Variants in STOX2 observed in about 807,000 individuals in gnomAD.
STOX2 encodes the protein storkhead-box protein 2.
Under a neutral mutation model 60.9 loss-of-function variants are expected in STOX2, and 28 were observed. The ratio of observed to expected loss-of-function variants is 0.46; its 90% CI spans 0.34 to 0.63. STOX2 has a LOEUF of 0.63. Among genes scored for constraint, STOX2 ranks in the 30% least tolerant of loss-of-function variants. The probability of loss-of-function intolerance (pLI) is 0.01; values close to 1 mark genes in which losing one functional copy is unlikely to be tolerated. For synonymous variants in STOX2, 472 were observed against 463.9 expected (o/e 1.02, Z -0.22); for missense variants, 1,024 against 1,187.7 (o/e 0.86, Z 2.03).
chr4:183,852,700 CG>C (rs1319756417), intron 1 of STOX2, among the ~76,000 whole-genome samples: 1 of 152,090 alleles, frequency 6.6e-6, no homozygotes, highest in Non-Finnish European at 1.5e-5. Context: ...CTGCATTTAG[CG>C]GTGGAACTTT....
intron 1 of STOX2, among the ~76,000 whole-genome samples, chr4:183,824,866 C>T (rs1411994081): frequency 3.9e-5 from 6 of 152,160 alleles, no homozygotes; most frequent in African/African-American, 7.2e-5. Flanking sequence ...GTTAAGTGCC[C>T]AGATGGGGGC....
intron 1 of STOX2, among the ~76,000 whole-genome samples, chr4:183,998,048 C>T (rs1733420137): frequency 1.3e-5 from 2 of 152,186 alleles, no homozygotes; most frequent in Admixed American, 1.3e-4. Flanking sequence ...TTCTTTTTTA[C>T]AGAGAGTTCG....
At chr4:183,799,386 C>CT (rs774470028) in intron 1 of STOX2, among the ~76,000 whole-genome samples, 95 of 152,320 alleles carry the variant, frequency 6.2e-4, no homozygotes, top group Admixed American at 3.3e-3. Context: ...ACTTAACTTG[C>CT]TTTTGCCCCG....
At chr4:183,858,911 A>G (rs1740365196) in intron 1 of STOX2, among the ~76,000 whole-genome samples, 1 of 152,136 alleles carries the variant, frequency 6.6e-6, no homozygotes, top group South Asian at 2.1e-4. Context: ...ACGTCATTTC[A>G]GTGTACTGTA....
rs533588085 is a variant in STOX2, at chr4:183,831,654, A to G, written c.364+33599A>G. On this transcript the variant is annotated intron_variant, in intron 1 of 2. Transcript: ENST00000513034. ...CTGCTGTGCTGTATAATTCTTAAAA[A>G]TAAATTTAGTCAGTGATGGATGCGC... 2.6e-5 allele frequency among the ~76,000 whole-genome samples: 4 copies of G among 152,322 alleles called. No individual in the cohort carries two copies. The South Asian group carries it at 8.3e-4, about 32-fold the overall frequency.
At chr4:184,008,010 A>G (rs149606256) in intron 2 of STOX2, among the ~76,000 whole-genome samples, 2 of 152,358 alleles carry the variant, frequency 1.3e-5, no homozygotes, top group African/African-American at 4.8e-5. Flanking sequence ...ATGACAGGGC[A>G]GGGTTTCAAT....
chr4:184,018,193 T>C lies in STOX2; in HGVS notation c.*909T>C, dbSNP rs976302868. ...TTAGGATGACCCTATCTTACTCTAA[T>C]AGATACAATAATTAGTTTGTTTAAA... On this transcript the variant is annotated 3_prime_UTR_variant, in exon 4 of 4. Transcript: ENST00000308497. 6.6e-6 allele frequency: 1 copy of C among 152,224 alleles called. No homozygotes were observed. The highest frequency in any genetic ancestry group is 1.5e-5 in the Non-Finnish European group (1 of 68,040). The allele number at this position is 152,224 out of a possible 1,614,324, so 9.4% of individuals were successfully genotyped here. A position where few individuals can be genotyped will look rare whatever the true frequency, so the allele number is the denominator to read the frequency against.
intron 1 of STOX2, among the ~76,000 whole-genome samples, chr4:183,918,741 G>T (rs913597153): frequency 6.6e-6 from 1 of 152,188 alleles, no homozygotes; most frequent in African/African-American, 2.4e-5. Flanking sequence ...AATAAAGGAG[G>T]GTGCTAGAAT....
At position 183,890,280 on chromosome 4, in the gene STOX2, C is replaced by A. The variant is rs760717548; in HGVS notation, c.364+92225C>A. Among the ~76,000 whole-genome samples, 363 of 151,984 alleles carry A rather than the reference C, an allele frequency of 2.4e-3. 1 individual carries two copies. Among genetic ancestry groups the A allele is most frequent in the Non-Finnish European group, 4.1e-3 (276 of 67,964 alleles). On this transcript the variant is annotated intron_variant, in intron 1 of 2. Coordinates refer to the STOX2 transcript ENST00000513034. The stretch of plus-strand genomic sequence containing the variant: ...TGGGCAGATCACGGGGTCAGGAGAT[C>A]GGGACCATCCTGGCCAACATGGTGA...
In STOX2 at chr4:183,906,510, GCCTTTCCCCCC is replaced by G; in HGVS notation, c.-280_-270del. On this transcript the variant is annotated 5_prime_UTR_variant, in exon 1 of 4. Coordinates refer to ENST00000308497, the MANE Select transcript of STOX2 (RefSeq NM_020225.3). ...TCCCGGCCGGGGAGCCTCCTAACGT[GCCTTTCCCCCC>G]AGGAATCTGGAAGCTATAAGCCGGG... 1 of 184,078 alleles carries G rather than the reference GCCTTTCCCCCC, an allele frequency of 5.4e-6. No individual in the cohort carries two copies. The highest frequency in any genetic ancestry group is 1.1e-5 in the Non-Finnish European group (1 of 89,726). The allele number at this position is 184,078 out of a possible 1,614,324, so 11.4% of individuals were successfully genotyped here.
chr4:183,832,608 A>G (rs1739598551), intron 1 of STOX2, among the ~76,000 whole-genome samples: 1 of 149,096 alleles, frequency 6.7e-6, no homozygotes, highest in South Asian at 2.1e-4. Flanking sequence ...CTCCTGCCTC[A>G]GCCTCCCAAG....
intron 1 of STOX2, among the ~76,000 whole-genome samples, chr4:183,868,582 A>G (rs868508699): frequency 5.8e-4 from 89 of 152,350 alleles, no homozygotes; most frequent in African/African-American, 1.9e-3. Context: ...GGTGGACTTG[A>G]AAAGTCTGGG....
intron 1 of STOX2, among the ~76,000 whole-genome samples, chr4:183,823,671 G>A (rs560750921): frequency 2.0e-5 from 3 of 152,276 alleles, no homozygotes; most frequent in East Asian, 1.9e-4. Flanking sequence ...CTCTGGGCCC[G>A]AGAGACACCA....
At chr4:183,989,463 A>C (rs1733004690) in intron 1 of STOX2, among the ~76,000 whole-genome samples, 1 of 152,136 alleles carries the variant, frequency 6.6e-6, no homozygotes, top group Non-Finnish European at 1.5e-5. Context: ...TGGCCTCCCA[A>C]AGTGCTGGGA....
intron 1 of STOX2, among the ~76,000 whole-genome samples, chr4:183,889,308 C>T (rs1741154570): frequency 1.3e-5 from 2 of 152,026 alleles, no homozygotes; most frequent in African/African-American, 4.8e-5. Flanking sequence ...GACACAGGCA[C>T]ACAGGGAGAA....
intron 1 of STOX2, among the ~76,000 whole-genome samples, chr4:183,807,052 A>C (rs1056608980): frequency 9.9e-5 from 15 of 151,978 alleles, no homozygotes; most frequent in Admixed American, 5.2e-4. Context: ...GGCTCACTGC[A>C]AGCTCCGTCT....
intron 1 of STOX2, among the ~76,000 whole-genome samples, chr4:183,928,907 A>T (rs1191876206): frequency 6.6e-6 from 1 of 152,162 alleles, no homozygotes; most frequent in African/African-American, 2.4e-5. Flanking sequence ...GTGATAAGAA[A>T]TAAGAGAAAA....
upstream of STOX2, among the ~76,000 whole-genome samples, chr4:183,901,945 G>T (rs1247666832): frequency 6.6e-6 from 1 of 152,028 alleles, no homozygotes; most frequent in Non-Finnish European, 1.5e-5. Flanking sequence ...CATGAAGTCA[G>T]TTTTTCTGTT....
chr4:183,823,594 G>A (rs149528080), intron 1 of STOX2, among the ~76,000 whole-genome samples: 106 of 152,274 alleles, frequency 7.0e-4, no homozygotes, highest in East Asian at 6.0e-3. Flanking sequence ...TGCCCTAATC[G>A]TAGTAGCTCT....
Sources: allele counts gnomAD v4.1 joint callset (sites outside exome capture counted in the v4.1 genomes callset), GRCh38; gene constraint gnomAD v4.1.1; transcripts MANE v1.5; gene names NCBI Gene and HGNC (gene_info 2026-07-23, HGNC 2026-07-21).